PPFIA2: variants seen among roughly 807,000 people sequenced by gnomAD.
PPFIA2 encodes PPFI scaffold protein A2, also known as liprin-alpha-2.
A neutral mutation model predicts 175.5 loss-of-function variants in PPFIA2; 46 were observed. The ratio of observed to expected loss-of-function variants is 0.26; its 90% confidence interval spans 0.21 to 0.34. PPFIA2 has a LOEUF of 0.34. Among genes scored for constraint, PPFIA2 ranks in the 10% least tolerant of loss-of-function variants. The pLI is 1.00. For synonymous variants in PPFIA2, 568 were observed against 511.4 expected (o/e 1.11, Z -1.49); for missense variants, 1,179 against 1,506.1 (o/e 0.78, Z 3.60).
chr12:81,584,427 C>T (rs1242694535), intron 4 of PPFIA2, among the ~76,000 whole-genome samples: 2 of 151,754 alleles, frequency 1.3e-5, no homozygotes, highest in African/African-American at 4.8e-5. Flanking sequence ...CCTATTATAA[C>T]CTCAGAGCTG....
intron 7 of PPFIA2, among the ~76,000 whole-genome samples, chr12:81,433,707 G>A (rs1289716708): frequency 6.6e-6 from 1 of 152,130 alleles, no homozygotes; most frequent in East Asian, 1.9e-4. Context: ...ACACTAGTCA[G>A]AATGAAGTGT....
intron 4 of PPFIA2, among the ~76,000 whole-genome samples, chr12:81,480,548 A>G (rs963772086): frequency 6.6e-6 from 1 of 152,116 alleles, no homozygotes; most frequent in Admixed American, 6.6e-5. Flanking sequence ...TCGTGGATTT[A>G]TCTACCTTTG....
chr12:81,701,163 G>A (rs1365240410), intron 3 of PPFIA2, among the ~76,000 whole-genome samples: 3 of 152,110 alleles, frequency 2.0e-5, no homozygotes, highest in African/African-American at 4.8e-5. Context: ...TGAGATGCAG[G>A]CCATCATGGT....
At chr12:81,449,600 G>A (rs774981796) in intron 5 of PPFIA2, among the ~76,000 whole-genome samples, 1 of 151,796 alleles carries the variant, frequency 6.6e-6, no homozygotes, top group Non-Finnish European at 1.5e-5. Context: ...TTTAGAAGTA[G>A]CTGAACTTAT....
intron 4 of PPFIA2, among the ~76,000 whole-genome samples, chr12:81,485,512 C>T (rs536675194): frequency 6.6e-6 from 1 of 151,872 alleles, no homozygotes; most frequent in African/African-American, 2.4e-5. Context: ...ATATACAACT[C>T]TCACCTCAAA....
chr12:81,502,769 A>G (rs937087837), intron 4 of PPFIA2, among the ~76,000 whole-genome samples: 1 of 152,196 alleles, frequency 6.6e-6, no homozygotes, highest in Non-Finnish European at 1.5e-5. Flanking sequence ...ATTAATCTCA[A>G]CAACACACTA....
intron 3 of PPFIA2, among the ~76,000 whole-genome samples, chr12:81,710,189 A>G (rs1596645182): frequency 6.6e-6 from 1 of 151,924 alleles, no homozygotes; most frequent in East Asian, 1.9e-4. Context: ...ATCTTGGGGC[A>G]TATATCTTTA....
intron 4 of PPFIA2, among the ~76,000 whole-genome samples, chr12:81,539,553 G>T (rs2065901949): frequency 6.6e-6 from 1 of 151,918 alleles, no homozygotes; most frequent in Admixed American, 6.6e-5. Context: ...CCCCACCCAT[G>T]CCATAACGAA....
rs552054501 is a variant in PPFIA2 at position 81,649,915 on chromosome 12, T to C, written c.303+26876A>G. ...CTGACTCAAAAGGGGCCCAGGGAAA[T>C]TTTTAGGGCCATGGGAATGTTCCAT... On this transcript the variant is annotated intron_variant, in intron 4 of 32. Coordinates refer to ENST00000549396, the MANE Select transcript of PPFIA2 (RefSeq NM_003625.5). Among the ~76,000 whole-genome samples, 3 of 152,198 alleles carry C rather than the reference T, an allele frequency of 2.0e-5. No homozygotes were observed. In the South Asian group the frequency reaches 6.2e-4, roughly 32 times the overall value.
chr12:81,699,183 A>G (rs2076224782), intron 3 of PPFIA2, among the ~76,000 whole-genome samples: 1 of 152,118 alleles, frequency 6.6e-6, no homozygotes, highest in African/African-American at 2.4e-5. Flanking sequence ...TGATCTACTC[A>G]TGTCCTCAAA....
At chr12:81,457,107 C>T (rs2053703178) in intron 5 of PPFIA2, among the ~76,000 whole-genome samples, 1 of 151,678 alleles carries the variant, frequency 6.6e-6, no homozygotes, top group Middle Eastern at 3.2e-3. Context: ...CCAGGCCCTC[C>T]CAAGTAGCTG....
intron 5 of PPFIA2, among the ~76,000 whole-genome samples, chr12:81,449,493 AAAAAAAAAC>A (rs1566881468): frequency 6.6e-6 from 1 of 151,850 alleles, no homozygotes; most frequent in Non-Finnish European, 1.5e-5. Context: ...TCAGACAAAA[AAAAAAAAAC>A]AAAAAAAAAT....
At chr12:81,371,731 ATT>A (rs1187076056) in intron 11 of PPFIA2, among the ~76,000 whole-genome samples, 1 of 151,814 alleles carries the variant, frequency 6.6e-6, no homozygotes, top group Non-Finnish European at 1.5e-5. Context: ...AGGAATATGC[ATT>A]TTAATTAAAA....
intron 6 of PPFIA2, among the ~76,000 whole-genome samples, chr12:81,444,052 C>T (rs896343060): frequency 1.3e-5 from 2 of 151,370 alleles, no homozygotes; most frequent in East Asian, 2.0e-4. Context: ...GGTGGGGTTT[C>T]ACCGTGTTAG....
chr12:81,529,559 A>AAGAGAGAG (rs60373881), intron 4 of PPFIA2, among the ~76,000 whole-genome samples: 2,107 of 145,756 alleles, frequency 0.014, 52 homozygotes, highest in East Asian at 0.069. Flanking sequence ...GGGCAGTGGA[A>AAGAGAGAG]AGAGAGAGAG....
chr12:81,428,878 A>G (rs923761952), intron 7 of PPFIA2, among the ~76,000 whole-genome samples: 5 of 152,044 alleles, frequency 3.3e-5, no homozygotes, highest in African/African-American at 1.2e-4. Flanking sequence ...ACAGTTTTGC[A>G]TTATCTTTAA....
At chr12:81,502,682 T>C (rs920805376) in intron 4 of PPFIA2, among the ~76,000 whole-genome samples, 13 of 152,152 alleles carry the variant, frequency 8.5e-5, no homozygotes, top group Admixed American at 3.9e-4. Context: ...GGTGATGGGG[T>C]TTAGACTGTA....
chr12:81,458,465 G>A (rs1046558516), intron 4 of PPFIA2, among the ~76,000 whole-genome samples: 1 of 152,032 alleles, frequency 6.6e-6, no homozygotes, highest in African/African-American at 2.4e-5. Context: ...ATGTGGACAG[G>A]GGCTTTGACT....
At chr12:81,396,711 A>G (rs867490559) in intron 8 of PPFIA2, among the ~76,000 whole-genome samples, 14 of 152,238 alleles carry the variant, frequency 9.2e-5, no homozygotes, top group Middle Eastern at 3.4e-3. Flanking sequence ...TTTTTTAAAA[A>G]TGAAAATGAA....
Sources: gnomAD v4.1 joint callset for allele counts (sites outside exome capture counted in the v4.1 genomes callset) on GRCh38, gnomAD v4.1.1 for gene constraint, MANE v1.5 for transcripts, NCBI Gene and HGNC (gene_info 2026-07-23, HGNC 2026-07-21) for gene names.